FBLN2: variants seen among roughly 807,000 people sequenced by gnomAD.
FBLN2 encodes fibulin-2.
Under a neutral mutation model 123.7 loss-of-function variants are expected in FBLN2, and 81 were observed. The ratio of observed to expected loss-of-function variants is 0.65; its 90% confidence interval spans 0.55 to 0.79. The LOEUF (loss-of-function observed/expected upper bound fraction) is 0.79. Among genes scored for constraint, FBLN2 ranks in the 30% least tolerant of loss-of-function variants. The pLI, the probability that FBLN2 is intolerant of heterozygous loss-of-function variation, is 0.00. For missense variants in FBLN2, 1,603 were observed against 1,681.3 expected (o/e 0.95, Z 0.81); for synonymous variants, 699 against 701.4 (o/e 1.00, Z 0.05).
In FBLN2 at chr3:13,580,368, G is replaced by A. The variant is rs3773289; in HGVS notation, c.1306+8707G>A. Among the ~76,000 whole-genome samples the A allele has an allele frequency of 2.4e-3, 366 of 152,236 alleles. 4 individuals are homozygous for A. In the East Asian group the frequency reaches 0.036, roughly 15 times the overall value. ...CAGTCATGAGAATGTCTCTTTCCTC[G>A]TTCTATTCATGCGACAAATATTTAT... is the stretch of plus-strand genomic sequence containing the variant. On this transcript the variant is annotated intron_variant, in intron 2 of 17. Transcript: ENST00000404922.
intron 4 of FBLN2, 28 bp downstream of exon 4, chr3:13,609,670 AGGGTG>A: frequency 2.1e-4 from 15 of 71,406 alleles, no homozygotes; most frequent in Non-Finnish European, 3.2e-4. Flanking sequence ...CCTTCAAGGC[AGGGTG>A]GGGTGGGGCG....
At chr3:13,561,712 A>C (rs1703613602) in intron 1 of FBLN2, among the ~76,000 whole-genome samples, 2 of 152,120 alleles carry the variant, frequency 1.3e-5, no homozygotes, top group Non-Finnish European at 1.5e-5. Flanking sequence ...TCTTCCCCCC[A>C]TCAGAACATT....
At chr3:13,604,556 T>C (rs1306701390) in intron 2 of FBLN2, among the ~76,000 whole-genome samples, 2 of 152,248 alleles carry the variant, frequency 1.3e-5, no homozygotes, top group Non-Finnish European at 2.9e-5. Context: ...ATGTGTGGTA[T>C]TATTTCTGAG....
rs150898146 is a variant in FBLN2 at position 13,562,931 on chromosome 3, G to T, written c.-41-7384G>T. 4.4e-3 allele frequency among the ~76,000 whole-genome samples: 675 copies of T among 152,194 alleles called. 3 individuals carry two copies. The highest frequency in any genetic ancestry group is 0.034 in the South Asian group (165 of 4,812). On this transcript the variant is annotated intron_variant, in intron 1 of 17. Transcript: ENST00000404922. ...TATTCACCTAGCACAGCGTCCTCAG[G>T]GTTCATCTGTGTTGCAGCACGGGTC...
intron 1 of FBLN2, among the ~76,000 whole-genome samples, chr3:13,559,349 C>CTTTCTTGGA (rs11276469): frequency 0.83 from 126,246 of 151,664 alleles, 52,748 homozygotes; most frequent in East Asian, 1. Context: ...CCCTGTTTCT[C>CTTTCTTGGA]TTTCTTGGCT....
chr3:13,595,705 G>T (rs373953950), intron 2 of FBLN2, among the ~76,000 whole-genome samples: 1 of 152,184 alleles, frequency 6.6e-6, no homozygotes, highest in Non-Finnish European at 1.5e-5. Flanking sequence ...TTTCAAAGCC[G>T]GAATTCTTTA....
chr3:13,629,045 G>T lies in FBLN2; in HGVS notation c.2710G>T (p.Val904Leu), dbSNP rs556004379. 3,792 of 1,613,078 alleles carry T rather than the reference G, an allele frequency of 2.4e-3. 109 individuals are homozygous for T. The South Asian group carries it at 0.039, about 17-fold the overall frequency. ...YHASDDGTKC[V>L]DVNECETGVH... ...CGCCAGCGATGATGGGACCAAGTGT[G>T]TGGGTAAGGCCAGCCGCCTCCGCCC... is the stretch of plus-strand genomic sequence containing the variant. Residue 904 changes from valine (V) to leucine (L), a missense_variant, in exon 12 of 18, where the codon GTG (valine) becomes TTG (leucine). Physicochemically the swap from Val to Leu is conservative, Grantham distance 32. Transcript: ENST00000404922.
At chr3:13,632,824 A>G (rs1341525671) in intron 16 of FBLN2, among the ~76,000 whole-genome samples, 1 of 151,984 alleles carries the variant, frequency 6.6e-6, no homozygotes, top group Non-Finnish European at 1.5e-5. Flanking sequence ...GCTGGCTGCA[A>G]AGCCCTCTTC....
rs2124917602 is a variant in FBLN2 at position 13,637,734 on chromosome 3, G to A, written c.3511G>A (p.Gly1171Ser). The A allele has an allele frequency of 6.2e-7, 1 of 1,614,006 alleles. No individual in the cohort carries two copies. The highest frequency in any genetic ancestry group is 2.2e-5 in the East Asian group (1 of 44,882). The change falls in exon 18 of 18, where the codon GGC becomes AGC. Residue 1171 changes from glycine to serine, a missense_variant. By Grantham distance (56) the Gly-to-Ser change is moderately conservative. Transcript: ENST00000404922. ...CACCATCGCCCTGAACATCATCAAG[G>A]GCAATGAGGAGGGCTACTTTGGCAC... The part of the protein sequence containing the change: ...GDTIALNIIK[G>S]NEEGYFGTRR...
intron 8 of FBLN2, 87 bp from the exon 9 acceptor site, chr3:13,621,688 G>A: frequency 6.8e-7 from 1 of 1,461,756 alleles, no homozygotes; most frequent in South Asian, 1.2e-5. Context: ...CCCCTTGCTG[G>A]GTCTCATTCT....
chr3:13,586,425 C>T (rs542388984), intron 2 of FBLN2, among the ~76,000 whole-genome samples: 6 of 151,418 alleles, frequency 4.0e-5, no homozygotes, highest in East Asian at 3.9e-4. Flanking sequence ...CCTCGTGATC[C>T]GCCTGCCTAG....
intron 1 of FBLN2, among the ~76,000 whole-genome samples, chr3:13,555,907 G>T (rs1703452324): frequency 6.6e-6 from 1 of 152,250 alleles, no homozygotes; most frequent in South Asian, 2.1e-4. Flanking sequence ...GCTTGTCCCT[G>T]AAATCAGCTG....
chr3:13,575,673 G>T (rs1322273571), intron 2 of FBLN2, among the ~76,000 whole-genome samples: 1 of 152,058 alleles, frequency 6.6e-6, no homozygotes, highest in African/African-American at 2.4e-5. Context: ...AGAGGCCTCG[G>T]GCATCAAGAG....
intron 4 of FBLN2, among the ~76,000 whole-genome samples, chr3:13,612,294 C>CCTTTCTTTTCTTT (rs1705419345): frequency 1.7e-5 from 2 of 117,284 alleles, no homozygotes; most frequent in Non-Finnish European, 3.3e-5. Flanking sequence ...CTTTTATTTT[C>CCTTTCTTTTCTTT]CTTTCTTTCT....
intron 6 of FBLN2, 104 bp from the exon 7 acceptor site, chr3:13,618,800 A>T (rs557056488): frequency 2.7e-6 from 2 of 741,414 alleles, no homozygotes; most frequent in Admixed American, 5.0e-5. Context: ...GGGGGATTAA[A>T]TGTCAGTGCC....
In FBLN2 at chr3:13,561,504, C is replaced by G. The variant is rs111878645; in HGVS notation, c.-41-8811C>G. 4.4e-3 allele frequency among the ~76,000 whole-genome samples: 672 copies of G among 152,192 alleles called. 8 individuals carry two copies. Among genetic ancestry groups the G allele is most frequent in the African/African-American group, 0.015 (632 of 41,544 alleles). On this transcript the variant is annotated intron_variant, in intron 1 of 17. Coordinates refer to ENST00000404922, the MANE Select transcript of FBLN2 (RefSeq NM_001004019.2). The stretch of plus-strand genomic sequence containing the variant: ...CTCTTCCTCCTTCCCTGCATGCCGG[C>G]TGCAGTGTGTCAGGCTGGTTTCTGC...
At chr3:13,564,626 G>A (rs1291287810) in intron 1 of FBLN2, among the ~76,000 whole-genome samples, 1 of 152,242 alleles carries the variant, frequency 6.6e-6, no homozygotes, top group Non-Finnish European at 1.5e-5. Flanking sequence ...ATCAGAGCCA[G>A]AAGGGTCAGA....
intron 2 of FBLN2, among the ~76,000 whole-genome samples, chr3:13,584,070 A>G (rs1704421535): frequency 6.6e-6 from 1 of 152,158 alleles, no homozygotes; most frequent in African/African-American, 2.4e-5. Flanking sequence ...GACTGTACCT[A>G]GAACACAAGG....
At position 13,626,500 on chromosome 3, in the gene FBLN2, G is replaced by T; in HGVS notation, c.2352G>T (p.Val784=). The T allele has an allele frequency of 6.4e-7, 1 of 1,571,804 alleles. No homozygotes were observed. Among genetic ancestry groups the T allele is most frequent in the South Asian group, 1.2e-5 (1 of 85,468 alleles). The change falls in exon 10 of 18, where the codon GTG becomes GTT. Residue 784 remains valine (V), a synonymous_variant. Transcript: ENST00000404922. ...LHTCSRGEHC[V]NTLGSFHCYK... Reference sequence around the variant, plus strand: ...CGTGCAGCCGGGGCGAGCACTGTGTGAACACACTGGGCTCCTTCCACTGCT... The same window carrying T: ...CGTGCAGCCGGGGCGAGCACTGTGTTAACACACTGGGCTCCTTCCACTGCT...
Sources: gnomAD v4.1 joint callset for allele counts (sites outside exome capture counted in the v4.1 genomes callset) on GRCh38, gnomAD v4.1.1 for gene constraint, MANE v1.5 for transcripts, NCBI Gene and HGNC (gene_info 2026-07-23, HGNC 2026-07-21) for gene names.